The following NF2 variants were observed in gnomAD, a reference collection of about 807,000 sequenced individuals.
NF2 encodes NF2, moesin-ezrin-radixin like (MERLIN) tumor suppressor.
In NF2, 8 loss-of-function variants were observed where a neutral mutation model predicts 83.7. That is an observed-to-expected ratio of 0.10 (90% confidence interval 0.06 to 0.17). The LOEUF is 0.17. Among genes scored for constraint, NF2 ranks in the 10% least tolerant of loss-of-function variants. The pLI is 1.00. For synonymous variants in NF2, 266 were observed against 269.6 expected (o/e 0.99, Z 0.13); for missense variants, 533 against 744.4 (o/e 0.72, Z 3.31).
chr22:29,651,787 G>T (rs772729963), intron 4 of NF2, among the ~76,000 whole-genome samples: 3 of 152,182 alleles, frequency 2.0e-5, no homozygotes, highest in African/African-American at 4.8e-5. Context: ...AATAATGGGG[G>T]TTGTTAATCT....
chr22:29,656,537 G>A (rs993577460), intron 6 of NF2, among the ~76,000 whole-genome samples: 2 of 146,678 alleles, frequency 1.4e-5, no homozygotes, highest in African/African-American at 2.5e-5. Context: ...TCAGCCTCCC[G>A]AGTAGCTGGG....
intron 1 of NF2, among the ~76,000 whole-genome samples, chr22:29,619,779 C>T (rs188009252): frequency 2.0e-5 from 3 of 152,084 alleles, no homozygotes; most frequent in Non-Finnish European, 4.4e-5. Context: ...GTGATGAGTG[C>T]GTGCGTGCTG....
intron 1 of NF2, among the ~76,000 whole-genome samples, chr22:29,630,669 C>T (rs902915495): frequency 3.3e-5 from 5 of 152,212 alleles, no homozygotes; most frequent in Non-Finnish European, 5.9e-5. Context: ...ACCTTTCTCA[C>T]GCCCTCCACC....
intron 1 of NF2, among the ~76,000 whole-genome samples, chr22:29,614,786 C>T (rs111603703): frequency 0.069 from 10,450 of 152,004 alleles, 365 homozygotes; most frequent in African/African-American, 0.08. Flanking sequence ...GGTGGCTCAC[C>T]CCAGTAATCT....
At chr22:29,646,640 A>G (rs966005881) in intron 4 of NF2, among the ~76,000 whole-genome samples, 7 of 152,250 alleles carry the variant, frequency 4.6e-5, no homozygotes, top group Non-Finnish European at 8.8e-5. Context: ...AATGATATAG[A>G]CACAGTTAAT....
At chr22:29,654,360 G>A (rs951751937) in intron 4 of NF2, among the ~76,000 whole-genome samples, 2 of 152,158 alleles carry the variant, frequency 1.3e-5, no homozygotes, top group Non-Finnish European at 2.9e-5. Flanking sequence ...TACTGTTTTG[G>A]AAGTGACTGC....
intron 9 of NF2, among the ~76,000 whole-genome samples, chr22:29,665,765 A>AAAAAAG (rs1218403873): frequency 7.3e-5 from 11 of 151,610 alleles, no homozygotes; most frequent in South Asian, 2.1e-4. Context: ...GAAAAAAAAA[A>AAAAAAG]AAAAAGAAAA....
chr22:29,614,317 A>G (rs1036115457), intron 1 of NF2, among the ~76,000 whole-genome samples: 1 of 151,694 alleles, frequency 6.6e-6, no homozygotes, highest in Non-Finnish European at 1.5e-5. Context: ...GTGGCTCAAC[A>G]CCTGTAATCC....
At chr22:29,605,569 C>G (rs1029847662) in intron 1 of NF2, among the ~76,000 whole-genome samples, 3 of 152,152 alleles carry the variant, frequency 2.0e-5, no homozygotes, top group African/African-American at 7.2e-5. Flanking sequence ...CTTGGCCTCC[C>G]AAAGTGATGG....
chr22:29,635,199 A>G (rs572651871), intron 1 of NF2, among the ~76,000 whole-genome samples: 7 of 152,288 alleles, frequency 4.6e-5, no homozygotes, highest in Non-Finnish European at 8.8e-5. Flanking sequence ...GTTCATTCAT[A>G]TGTGTTAAAA....
chr22:29,618,934 C>T (rs2065141820), intron 1 of NF2, among the ~76,000 whole-genome samples: 1 of 152,170 alleles, frequency 6.6e-6, no homozygotes, highest in Non-Finnish European at 1.5e-5. Context: ...CCAGGCAAAC[C>T]ATCCCCTTCA....
At chr22:29,641,439 G>A (rs994241658) in intron 3 of NF2, among the ~76,000 whole-genome samples, 2 of 152,124 alleles carry the variant, frequency 1.3e-5, no homozygotes, top group Non-Finnish European at 2.9e-5. Context: ...GAAATGTTAA[G>A]GCATTTTTAT....
intron 7 of NF2, among the ~76,000 whole-genome samples, chr22:29,659,064 C>G (rs1166504629): frequency 6.6e-6 from 1 of 152,138 alleles, no homozygotes; most frequent in Non-Finnish European, 1.5e-5. Flanking sequence ...TAGCTTTCTA[C>G]TTCATTTGTA....
chr22:29,637,278 T>A (rs971079734), intron 2 of NF2, among the ~76,000 whole-genome samples: 41 of 152,334 alleles, frequency 2.7e-4, no homozygotes, highest in South Asian at 8.3e-4. Context: ...TTTTTTAAAG[T>A]CTTTTTGAGG....
intron 15 of NF2, among the ~76,000 whole-genome samples, chr22:29,685,948 G>A (rs1024003794): frequency 9.4e-5 from 14 of 149,270 alleles, no homozygotes; most frequent in East Asian, 2.2e-4. Flanking sequence ...TTACTCGCTC[G>A]CTCTCTCTTT....
chr22:29,632,407 C>A (rs1320117324), intron 1 of NF2, among the ~76,000 whole-genome samples: 1 of 152,120 alleles, frequency 6.6e-6, no homozygotes, highest in Non-Finnish European at 1.5e-5. Flanking sequence ...CCCTACCTGC[C>A]CAGGATAGGA....
intron 1 of NF2, among the ~76,000 whole-genome samples, chr22:29,632,440 C>G (rs1382087538): frequency 6.6e-6 from 1 of 152,204 alleles, no homozygotes; most frequent in East Asian, 1.9e-4. Flanking sequence ...CGCTGGGTGT[C>G]CTGTTGTGGC....
At chr22:29,614,960 G>A (rs2065046797) in intron 1 of NF2, among the ~76,000 whole-genome samples, 1 of 152,120 alleles carries the variant, frequency 6.6e-6, no homozygotes, top group Admixed American at 6.5e-5. Context: ...GAGGCAGGTG[G>A]ACTGCTTGAG....
Position 29,697,409 on chromosome 22 carries a change from C to T in NF2, c.*2607C>T, listed in dbSNP as rs138606078. On this transcript the variant is annotated 3_prime_UTR_variant, in exon 16 of 16. Coordinates refer to ENST00000338641, the MANE Select transcript of NF2 (RefSeq NM_000268.4). ...CTTGCTCAGCCAGGAGCACTTCCCC[C>T]TCCTTGAGGCAGGAATACTGAGGTG... The T allele has an allele frequency of 7.3e-5, 14 of 191,904 alleles. No homozygotes were observed. The highest frequency in any genetic ancestry group is 3.3e-4 in the African/African-American group (14 of 43,046). The allele number at this position is 191,904 out of a possible 1,614,324, so 11.9% of individuals were successfully genotyped here.
Sources: allele counts gnomAD v4.1 joint callset (sites outside exome capture counted in the v4.1 genomes callset), GRCh38; gene constraint gnomAD v4.1.1; transcripts MANE v1.5; gene names NCBI Gene and HGNC (gene_info 2026-07-23, HGNC 2026-07-21).